Variants in CPSF3 observed in about 807,000 individuals in gnomAD.
The protein encoded by CPSF3 is cleavage and polyadenylation specificity factor subunit 3.
Under a neutral mutation model 84.1 loss-of-function variants are expected in CPSF3, and 57 were observed. The ratio of observed to expected loss-of-function variants is 0.68; its 90% confidence interval spans 0.55 to 0.85. The LOEUF is 0.85. CPSF3 is among the 40% of genes least tolerant of loss of function. CPSF3 has a pLI of 0.00. For synonymous variants in CPSF3, 275 were observed against 278.1 expected, an observed-to-expected ratio of 0.99 and a Z score of 0.11; for missense variants, 522 against 838.8, an observed-to-expected ratio of 0.62 and a Z score of 4.66.
chr2:9,455,135 C>G (rs1422141268), intron 12 of CPSF3, among the ~76,000 whole-genome samples: 1 of 135,552 alleles, frequency 7.4e-6, no homozygotes, highest in Non-Finnish European at 1.6e-5. Context: ...ACATGAGGTG[C>G]TTTTTTTTTT....
At chr2:9,429,853 T>C in intron 2 of CPSF3, 70 bp from the exon 3 acceptor site, 7 of 1,006,958 alleles carry the variant, frequency 7.0e-6, no homozygotes, top group Middle Eastern at 2.1e-4. Context: ...ACTAGAATTA[T>C]TGCCTATTTG....
chr2:9,425,796 G>C (rs954993765), intron 1 of CPSF3, among the ~76,000 whole-genome samples: 2 of 151,712 alleles, frequency 1.3e-5, no homozygotes, highest in East Asian at 3.8e-4. Flanking sequence ...CTCATTTAAA[G>C]AGTATAATTC....
At chr2:9,464,653 G>A (rs943075047) in intron 15 of CPSF3, among the ~76,000 whole-genome samples, 2 of 152,064 alleles carry the variant, frequency 1.3e-5, no homozygotes, top group African/African-American at 4.8e-5. Context: ...GTACAGTGGT[G>A]CAATCTCAGC....
intron 15 of CPSF3, among the ~76,000 whole-genome samples, chr2:9,466,310 ACT>A (rs138775569): frequency 0.2 from 24,699 of 123,828 alleles, 2,013 homozygotes; most frequent in Middle Eastern, 0.37. Flanking sequence ...GCACACGCAC[ACT>A]GACGCACGCA....
intron 14 of CPSF3, 35 bp downstream of exon 14, chr2:9,457,062 A>T (rs766790016): frequency 4.7e-6 from 6 of 1,276,920 alleles, no homozygotes; most frequent in Non-Finnish European, 5.5e-6. Context: ...CAATGAGGGG[A>T]AAAAAGTTTT....
At position 9,451,000 on chromosome 2, in the gene CPSF3, T is replaced by C. The variant is rs1215825861; in HGVS notation, c.1396-1913T>C. On this transcript the variant is annotated intron_variant, in intron 11 of 17. Coordinates refer to ENST00000238112, the MANE Select transcript of CPSF3 (RefSeq NM_016207.4). ...GATTTAATAGTATTTTTCTTATACC[T>C]GTAGAAAAATATACTCAGTTGAGAA... 3.1e-4 allele frequency among the ~76,000 whole-genome samples: 47 copies of C among 152,298 alleles called. 1 individual carries two copies. The highest frequency in any genetic ancestry group is 3.1e-3 in the Admixed American group (47 of 15,294).
Position 9,466,282 on chromosome 2 carries a change from G to A in CPSF3, c.1787-1425G>A, listed in dbSNP as rs563465940. Among the ~76,000 whole-genome samples the A allele has an allele frequency of 8.8e-3, 949 of 107,554 alleles. 6 individuals carry two copies. The highest frequency in any genetic ancestry group is 0.033 in the African/African-American group (869 of 26,336). 70.6% of individuals were successfully genotyped at this position (107,554 alleles called of 152,430 possible). ...CGCACACAAAGACGCACGCACACAC[G>A]TGCGCACACAGACGCATGCACACGC... is the stretch of plus-strand genomic sequence containing the variant. On this transcript the variant is annotated intron_variant, in intron 15 of 17. Transcript: ENST00000238112.
At chr2:9,471,287 C>T (rs1334675343) in intron 16 of CPSF3, 56 bp from the exon 17 acceptor site, 2 of 1,045,002 alleles carry the variant, frequency 1.9e-6, no homozygotes, top group East Asian at 2.4e-5. Context: ...TTATTTTTTC[C>T]TCAAATATAT....
At chr2:9,428,849 C>G (rs1396064916) in intron 2 of CPSF3, 21 bp downstream of exon 2, 1 of 1,403,916 alleles carries the variant, frequency 7.1e-7, no homozygotes, top group African/African-American at 1.4e-5. Flanking sequence ...TTTTTGTACT[C>G]AGTTTAATAG....
intron 7 of CPSF3, 42 bp downstream of exon 7, chr2:9,436,403 G>A (rs756737379): frequency 1.1e-5 from 17 of 1,562,486 alleles, no homozygotes; most frequent in Non-Finnish European, 1.4e-5. Flanking sequence ...TCAAAATCTT[G>A]TCATTTTATC....
At chr2:9,430,097 G>T in intron 3 of CPSF3, 77 bp downstream of exon 3, 1 of 927,564 alleles carries the variant, frequency 1.1e-6, no homozygotes. Context: ...GATTTTGAGA[G>T]TTTGGTTTTT....
intron 16 of CPSF3, among the ~76,000 whole-genome samples, chr2:9,468,451 C>G (rs1215437921): frequency 1.3e-5 from 2 of 152,036 alleles, no homozygotes; most frequent in African/African-American, 4.8e-5. Context: ...TCTCAAATTC[C>G]TGGGCTCAAG....
At chr2:9,458,821 T>G (rs1375822278) in intron 14 of CPSF3, among the ~76,000 whole-genome samples, 1 of 151,960 alleles carries the variant, frequency 6.6e-6, no homozygotes, top group Admixed American at 6.6e-5. Flanking sequence ...TTTAAAAATA[T>G]TACCCTCTTG....
intron 15 of CPSF3, among the ~76,000 whole-genome samples, chr2:9,466,506 A>C (rs924828561): frequency 1.3e-5 from 2 of 152,210 alleles, no homozygotes; most frequent in Non-Finnish European, 2.9e-5. Context: ...CTGAGGTGAG[A>C]GGATCACCAG....
intron 11 of CPSF3, among the ~76,000 whole-genome samples, chr2:9,451,409 A>G (rs1444722085): frequency 6.6e-6 from 1 of 152,152 alleles, no homozygotes; most frequent in Non-Finnish European, 1.5e-5. Flanking sequence ...CAAGTATGGA[A>G]CACACTACCT....
Position 9,423,686 on chromosome 2 carries a change from C to G in CPSF3, c.-88C>G, listed in dbSNP as rs1331997934. The G allele has an allele frequency of 1.3e-6, 2 of 1,533,760 alleles. No homozygotes were observed. The highest frequency in any genetic ancestry group is 1.4e-5 in the African/African-American group (1 of 72,724). On this transcript the variant is annotated 5_prime_UTR_variant, in exon 1 of 18. Transcript: ENST00000238112. ...GTGCTCTTGGTGAATGGGGTTCTTC[C>G]TTTTTTATTTACCGGTGGCTGTGCT...
intron 12 of CPSF3, among the ~76,000 whole-genome samples, chr2:9,454,086 A>G (rs962072600): frequency 3.3e-5 from 5 of 152,086 alleles, no homozygotes; most frequent in African/African-American, 1.2e-4. Flanking sequence ...ACATGGTACT[A>G]ATACATTATA....
intron 7 of CPSF3, among the ~76,000 whole-genome samples, chr2:9,438,035 A>T (rs1011621271): frequency 2.6e-5 from 4 of 152,254 alleles, no homozygotes; most frequent in Non-Finnish European, 5.9e-5. Context: ...GGTGCTTTGC[A>T]TGAGTGTCAC....
intron 16 of CPSF3, among the ~76,000 whole-genome samples, chr2:9,468,869 AC>A (rs1682065891): frequency 6.6e-6 from 1 of 151,708 alleles, no homozygotes; most frequent in Non-Finnish European, 1.5e-5. Flanking sequence ...CTCATGAGCC[AC>A]CTGCCTTGGT....
Sources: allele counts gnomAD v4.1 joint callset (sites outside exome capture counted in the v4.1 genomes callset), GRCh38; gene constraint gnomAD v4.1.1; transcripts MANE v1.5; gene names NCBI Gene and HGNC (gene_info 2026-07-23, HGNC 2026-07-21).